Variants in CDC42BPA observed in about 807,000 individuals in gnomAD.
CDC42BPA encodes serine/threonine-protein kinase MRCK alpha.
CDC42BPA carries 80 observed loss-of-function variants against 223.5 expected under a neutral mutation model. That is an observed-to-expected ratio of 0.36 (90% CI 0.30 to 0.43). The LOEUF is 0.43. Ranked by LOEUF, CDC42BPA falls within the 20% of genes least tolerant of loss-of-function variation. CDC42BPA has a pLI of 1.00. For synonymous variants in CDC42BPA, 694 were observed against 718.6 expected, an observed-to-expected ratio of 0.97 and a Z score of 0.55; for missense variants, 1,743 against 2,099.9, an observed-to-expected ratio of 0.83 and a Z score of 3.32.
In CDC42BPA at chr1:227,073,904, C is replaced by T; in HGVS notation, c.2695G>A (p.Glu899Lys). 1 of 1,610,084 alleles carries T rather than the reference C, an allele frequency of 6.2e-7. No individual in the cohort carries two copies. The highest frequency in any genetic ancestry group is 8.5e-7 in the Non-Finnish European group (1 of 1,178,820). The change falls in exon 19 of 37, where the codon GAG (glutamate) becomes AAG (lysine). Residue 899 changes from glutamate to lysine, a missense_variant. Physicochemically the swap from Glu to Lys is moderately conservative, Grantham distance 56 (BLOSUM62 1). Transcript: ENST00000366766. ...TTAGATGCTTTAACTTTATTCAACTCTTCTTGGATGGCCTGTTTGGCTCTT... is the reference window on the plus strand; with the variant it reads ...TTAGATGCTTTAACTTTATTCAACTTTTCTTGGATGGCCTGTTTGGCTCTT... ...EIRAKQAIQE[E>K]LNKVKASNII...
intron 1 of CDC42BPA, among the ~76,000 whole-genome samples, chr1:227,276,806 G>A (rs1687153705): frequency 6.6e-6 from 1 of 152,156 alleles, no homozygotes; most frequent in African/African-American, 2.4e-5. Flanking sequence ...AACATGTGCT[G>A]TGTCCACTCA....
intron 3 of CDC42BPA, among the ~76,000 whole-genome samples, chr1:227,206,559 T>A (rs1238908543): frequency 6.6e-6 from 1 of 152,160 alleles, no homozygotes; most frequent in African/African-American, 2.4e-5. Context: ...TGCTGCTCAT[T>A]TGTAATTTAT....
In CDC42BPA at chr1:227,284,014, C is replaced by T. The variant is rs61834288; in HGVS notation, c.179-29859G>A. ...GGAGTGGGCTGCAGTGAGACAAGATCACACCACTGCACTCCAGTCTGGGCA... is the reference window on the plus strand; with the variant it reads ...GGAGTGGGCTGCAGTGAGACAAGATTACACCACTGCACTCCAGTCTGGGCA... On this transcript the variant is annotated intron_variant, in intron 1 of 36. Coordinates refer to ENST00000366766, the MANE Select transcript of CDC42BPA (RefSeq NM_001394014.1). Among the ~76,000 whole-genome samples, 195 of 152,246 alleles carry T rather than the reference C, an allele frequency of 1.3e-3. 2 individuals are homozygous for T. Among genetic ancestry groups the T allele is most frequent in the Non-Finnish European group, 2.4e-3 (161 of 68,016 alleles).
intron 34 of CDC42BPA, chr1:227,011,011 G>A (rs748861215): frequency 2.1e-5 from 28 of 1,360,470 alleles, no homozygotes; most frequent in East Asian, 1.8e-4. Context: ...AAAGTTGATC[G>A]GAGAGGAGAT....
intron 1 of CDC42BPA, among the ~76,000 whole-genome samples, chr1:227,273,259 C>A (rs1686277092): frequency 6.6e-6 from 1 of 151,688 alleles, no homozygotes; most frequent in Non-Finnish European, 1.5e-5. Context: ...GATTGCACCA[C>A]TGCACTCCAG....
chr1:227,305,157 T>C (rs1342373888), intron 1 of CDC42BPA, among the ~76,000 whole-genome samples: 1 of 152,176 alleles, frequency 6.6e-6, no homozygotes, highest in Non-Finnish European at 1.5e-5. Context: ...GAGCATTAGG[T>C]AGGCTACTTA....
intron 14 of CDC42BPA, among the ~76,000 whole-genome samples, chr1:227,108,599 T>C (rs583729): frequency 0.28 from 43,077 of 151,908 alleles, 6,324 homozygotes; most frequent in African/African-American, 0.35. Flanking sequence ...AAGTTCTATA[T>C]ATGGTTGTCT....
intron 32 of CDC42BPA, among the ~76,000 whole-genome samples, chr1:227,019,973 C>T (rs543643914): frequency 1.1e-4 from 16 of 152,124 alleles, no homozygotes; most frequent in South Asian, 4.1e-4. Context: ...CTCAGCTCAC[C>T]GCAACCTCCA....
chr1:227,122,076 C>T (rs1158264000), intron 11 of CDC42BPA, among the ~76,000 whole-genome samples: 5 of 152,116 alleles, frequency 3.3e-5, no homozygotes, highest in Non-Finnish European at 5.9e-5. Flanking sequence ...GCTGGGATTA[C>T]AGGCATGAGC....
At chr1:227,023,123 C>T (rs1460935575) in intron 32 of CDC42BPA, 140 bp downstream of exon 32, 6 of 515,768 alleles carry the variant, frequency 1.2e-5, no homozygotes, top group South Asian at 2.6e-5. Context: ...GTGATAGTGG[C>T]CAACATCATA....
At chr1:227,021,265 C>A (rs928799238) in intron 32 of CDC42BPA, among the ~76,000 whole-genome samples, 5 of 152,008 alleles carry the variant, frequency 3.3e-5, no homozygotes, top group African/African-American at 1.2e-4. Flanking sequence ...TTACCATAAA[C>A]CTGCGACTTG....
intron 11 of CDC42BPA, among the ~76,000 whole-genome samples, chr1:227,120,158 A>C (rs1452024956): frequency 6.6e-6 from 1 of 151,854 alleles, no homozygotes; most frequent in African/African-American, 2.4e-5. Flanking sequence ...ACAATGCCTT[A>C]CATACTCATT....
At chr1:227,280,916 G>C (rs947229111) in intron 1 of CDC42BPA, among the ~76,000 whole-genome samples, 8 of 152,122 alleles carry the variant, frequency 5.3e-5, no homozygotes, top group Admixed American at 6.5e-5. Flanking sequence ...AACAGCTCAG[G>C]GGGTCAGAAC....
chr1:227,121,122 T>C (rs1397327029), intron 11 of CDC42BPA, among the ~76,000 whole-genome samples: 3 of 152,268 alleles, frequency 2.0e-5, no homozygotes, highest in African/African-American at 4.8e-5. Flanking sequence ...CGCCCGAGAA[T>C]TGGGGATCTC....
Position 227,199,591 on chromosome 1 carries a change from G to A in CDC42BPA, c.416C>T (p.Thr139Ile), listed in dbSNP as rs921962278. 6.2e-7 allele frequency: 1 copy of A among 1,604,430 alleles called. No homozygotes were observed. The highest frequency in any genetic ancestry group is 1.7e-5 in the Admixed American group (1 of 59,610). Residue 139 changes from threonine (T) to isoleucine (I), a missense_variant, in exon 4 of 37, where the codon ACC becomes ATC. Coordinates refer to ENST00000366766, the MANE Select transcript of CDC42BPA (RefSeq NM_001394014.1). ...LVNGDNKWIT[T>I]LHYAFQDDNN... ...GTCATCCTGGAAAGCATAGTGCAAGGTTGTAATCCATTTATTGTCTCCATT... is the reference window on the plus strand; with the variant it reads ...GTCATCCTGGAAAGCATAGTGCAAGATTGTAATCCATTTATTGTCTCCATT...
intron 21 of CDC42BPA, among the ~76,000 whole-genome samples, chr1:227,057,067 A>C (rs1454312598): frequency 6.6e-6 from 1 of 152,218 alleles, no homozygotes; most frequent in Non-Finnish European, 1.5e-5. Flanking sequence ...CTAAGAAAAC[A>C]TAAGAGAAAG....
intron 1 of CDC42BPA, among the ~76,000 whole-genome samples, chr1:227,281,444 G>A (rs1003652394): frequency 7.2e-5 from 11 of 152,126 alleles, no homozygotes; most frequent in Non-Finnish European, 1.3e-4. Flanking sequence ...TCCAGGTCCT[G>A]TGATTTCAGG....
At position 227,227,614 on chromosome 1, in the gene CDC42BPA, T is replaced by TGC. The variant is rs1277306578; in HGVS notation, c.271-14396_271-14395insGC. 6.6e-5 allele frequency among the ~76,000 whole-genome samples: 10 copies of TGC among 152,278 alleles called. No individual in the cohort carries two copies. In the South Asian group the frequency reaches 2.1e-3, roughly 32 times the overall value. ...CATCAAAATTAAGTGCATCTAAGAATACTAATGGATATCCAGGCATCATAG... is the reference window on the plus strand; with the variant it reads ...CATCAAAATTAAGTGCATCTAAGAATGCACTAATGGATATCCAGGCATCATAG... On this transcript the variant is annotated intron_variant, in intron 2 of 36. Transcript: ENST00000366766.
intron 6 of CDC42BPA, 100 bp from the exon 7 acceptor site, chr1:227,147,659 A>G: frequency 1.7e-6 from 1 of 577,240 alleles, no homozygotes; most frequent in Non-Finnish European, 2.9e-6. Context: ...TCATAAACAC[A>G]TCTTTGTCAT....
Sources: allele counts gnomAD v4.1 joint callset (sites outside exome capture counted in the v4.1 genomes callset), GRCh38; gene constraint gnomAD v4.1.1; transcripts MANE v1.5; gene names NCBI Gene and HGNC (gene_info 2026-07-23, HGNC 2026-07-21).